Variants in LARP1B observed in about 807,000 individuals in gnomAD.
LARP1B encodes La ribonucleoprotein 1B, also known as la-related protein 1B.
LARP1B carries 76 observed loss-of-function variants against 114.2 expected under a neutral mutation model. The observed-to-expected ratio is 0.67, with a 90% CI of 0.55 to 0.81. The LOEUF (loss-of-function observed/expected upper bound fraction) is 0.81, where lower values mean the gene tolerates loss of function less well. Among genes scored for constraint, LARP1B ranks in the 30% least tolerant of loss-of-function variants. The pLI is 0.00. For missense variants in LARP1B, 1,014 were observed against 1,075.8 expected, an observed-to-expected ratio of 0.94 and a Z score of 0.80; for synonymous variants, 345 against 348.0, an observed-to-expected ratio of 0.99 and a Z score of 0.10.
intron 10 of LARP1B, among the ~76,000 whole-genome samples, chr4:128,121,517 A>C (rs1787978672): frequency 1.3e-5 from 2 of 152,344 alleles, no homozygotes; most frequent in African/African-American, 4.8e-5. Flanking sequence ...ATAGGCAAAT[A>C]CTTTCATATC....
At chr4:128,131,473 GAC>G (rs1348886061) in intron 11 of LARP1B, among the ~76,000 whole-genome samples, 1 of 152,120 alleles carries the variant, frequency 6.6e-6, no homozygotes, top group East Asian at 1.9e-4. Context: ...AAATCAATAA[GAC>G]AAATAACCTA....
intron 8 of LARP1B, among the ~76,000 whole-genome samples, chr4:128,105,330 C>CT (rs1456784325): frequency 6.6e-6 from 1 of 152,132 alleles, no homozygotes; most frequent in African/African-American, 2.4e-5. Flanking sequence ...TCTTCTGTCT[C>CT]TGAGTTCTTT....
Position 128,107,181 on chromosome 4 carries a change from A to G in LARP1B, c.856A>G (p.Met286Val), listed in dbSNP as rs577784225. The G allele has an allele frequency of 6.2e-7, 1 of 1,614,186 alleles. No homozygotes were observed. The highest frequency in any genetic ancestry group is 2.2e-5 in the East Asian group (1 of 44,882). ...AGAAGTAGAAATTGTGGATGAGAAA[A>G]TGAGAAAAAAGATAGAACCAGAAAA... ...STEVEIVDEK[M>V]RKKIEPEKWP... Residue 286 changes from methionine (M) to valine (V), a missense_variant, in exon 9 of 20, where the codon ATG becomes GTG. Physicochemically the swap from Met to Val is conservative, Grantham distance 21. Coordinates refer to ENST00000326639, the MANE Select transcript of LARP1B (RefSeq NM_018078.4).
At chr4:128,069,313 C>G in intron 1 of LARP1B, 2 of 828,390 alleles carry the variant, frequency 2.4e-6, no homozygotes, top group South Asian at 2.6e-5. Context: ...TGGCATCCAG[C>G]TTGCCGCTTT....
At chr4:128,093,485 A>C (rs138756296) in intron 7 of LARP1B, among the ~76,000 whole-genome samples, 8,395 of 151,548 alleles carry the variant, frequency 0.055, 376 homozygotes, top group Non-Finnish European at 0.082. Context: ...AGTCCCAGCT[A>C]CTCTGGAGGC....
At chr4:128,194,299 T>C (rs62336170) in intron 15 of LARP1B, among the ~76,000 whole-genome samples, 25,721 of 151,844 alleles carry the variant, frequency 0.17, 2,772 homozygotes, top group Middle Eastern at 0.3. Context: ...CTTGGACCCC[T>C]GATGTCAGGT....
intron 15 of LARP1B, among the ~76,000 whole-genome samples, chr4:128,183,772 T>G (rs929808966): frequency 6.6e-6 from 1 of 152,218 alleles, no homozygotes; most frequent in Non-Finnish European, 1.5e-5. Context: ...CTGGAGAGTA[T>G]TCACCATTCT....
rs746743165 is a variant in LARP1B at position 128,107,173 on chromosome 4, A to G, written c.848A>G (p.Asp283Gly). ...LKDSTEVEIV[D>G]EKMRKKIEPE... Reference sequence around the variant, plus strand: ...GATAGCACAGAAGTAGAAATTGTGGATGAGAAAATGAGAAAAAAGATAGAA... The same window carrying G: ...GATAGCACAGAAGTAGAAATTGTGGGTGAGAAAATGAGAAAAAAGATAGAA... The change falls in exon 9 of 20, where the codon GAT becomes GGT. Residue 283 changes from aspartate (D) to glycine (G), a missense_variant. Physicochemically the swap from Asp to Gly is moderately conservative, Grantham distance 94. Coordinates refer to ENST00000326639, the MANE Select transcript of LARP1B (RefSeq NM_018078.4). The G allele has an allele frequency of 1.2e-6, 2 of 1,614,142 alleles. No individual in the cohort carries two copies. The highest frequency in any genetic ancestry group is 4.5e-5 in the East Asian group (2 of 44,876).
At chr4:128,199,659 A>G in intron 16 of LARP1B, 60 bp downstream of exon 16, 1 of 874,804 alleles carries the variant, frequency 1.1e-6, no homozygotes, top group East Asian at 3.4e-5. Flanking sequence ...ATTCTAAAAA[A>G]TTTAAATGTT....
intron 9 of LARP1B, 33 bp downstream of exon 9, chr4:128,107,346 A>G (rs1782455309): frequency 1.2e-6 from 2 of 1,610,596 alleles, no homozygotes; most frequent in Admixed American, 1.7e-5. Context: ...AAACGATGTA[A>G]CAGTGGGTTA....
chr4:128,116,223 C>T (rs930202842), intron 10 of LARP1B, among the ~76,000 whole-genome samples: 4 of 152,124 alleles, frequency 2.6e-5, no homozygotes, highest in Non-Finnish European at 4.4e-5. Flanking sequence ...GATAGGATTG[C>T]TTTGATCTAA....
chr4:128,098,926 C>A (rs1779270075), intron 8 of LARP1B, among the ~76,000 whole-genome samples: 1 of 150,002 alleles, frequency 6.7e-6, no homozygotes, highest in African/African-American at 2.4e-5. Flanking sequence ...TACAAGCACG[C>A]ACCATCATGC....
chr4:128,164,113 T>TA (rs1392286529), intron 12 of LARP1B, among the ~76,000 whole-genome samples: 1 of 152,210 alleles, frequency 6.6e-6, no homozygotes, highest in African/African-American at 2.4e-5. Context: ...TACTTATATA[T>TA]AAAAAATCTT....
intron 12 of LARP1B, among the ~76,000 whole-genome samples, chr4:128,173,903 T>G (rs1272612272): frequency 5.3e-5 from 8 of 152,204 alleles, no homozygotes; most frequent in Admixed American, 5.2e-4. Flanking sequence ...GAGTTCCTCA[T>G]GCACATTTGC....
chr4:128,192,834 T>A (rs1752693725), intron 15 of LARP1B, among the ~76,000 whole-genome samples: 1 of 149,414 alleles, frequency 6.7e-6, no homozygotes, highest in Non-Finnish European at 1.5e-5. Context: ...GTTTCTTTGT[T>A]TTTTTTTTTT....
chr4:128,156,264 C>A (rs1735600532), intron 11 of LARP1B: 37 of 1,101,150 alleles, frequency 3.4e-5, no homozygotes, highest in Non-Finnish European at 4.4e-5. Flanking sequence ...CCCCTTCCCC[C>A]ACCAGTCCAG....
intron 8 of LARP1B, among the ~76,000 whole-genome samples, chr4:128,100,782 G>T (rs926731724): frequency 3.3e-5 from 5 of 150,130 alleles, no homozygotes; most frequent in African/African-American, 1.2e-4. Flanking sequence ...CCTAGTTTTT[G>T]TCTTTTCATT....
At chr4:128,107,839 G>C (rs1782630603) in intron 9 of LARP1B, 2 of 1,501,964 alleles carry the variant, frequency 1.3e-6, no homozygotes, top group East Asian at 5.0e-5. Context: ...TCATTTTTAA[G>C]ACATTCCCTC....
intron 11 of LARP1B, among the ~76,000 whole-genome samples, chr4:128,152,973 C>CTTTTT (rs141211750): frequency 1.2e-5 from 1 of 81,274 alleles, no homozygotes. Flanking sequence ...TTTGGTTTGC[C>CTTTTT]TTTTTTTTTT....
Sources: gnomAD v4.1 joint callset for allele counts (sites outside exome capture counted in the v4.1 genomes callset) on GRCh38, gnomAD v4.1.1 for gene constraint, MANE v1.5 for transcripts, NCBI Gene and HGNC (gene_info 2026-07-23, HGNC 2026-07-21) for gene names.